The following ZNF417 variants were observed in gnomAD, a reference collection of about 807,000 sequenced individuals.
The protein encoded by ZNF417 is zinc finger protein 417.
ZNF417 carries 5 observed loss-of-function variants against 7.4 expected under a neutral mutation model. The ratio of observed to expected loss-of-function variants is 0.68; its 90% CI spans 0.35 to 1.43. The LOEUF (loss-of-function observed/expected upper bound fraction) is 1.43. Ranked by LOEUF, ZNF417 falls within the 40% of genes most tolerant of loss-of-function variation. The pLI, the probability that ZNF417 is intolerant of heterozygous loss-of-function variation, is 0.04. For missense variants in ZNF417, 437 were observed against 697.3 expected, an observed-to-expected ratio of 0.63 and a Z score of 4.20; for synonymous variants, 147 against 239.1, an observed-to-expected ratio of 0.61 and a Z score of 3.55.
At chr19:57,910,806 G>T (rs957842436) in intron 2 of ZNF417, among the ~76,000 whole-genome samples, 1 of 152,204 alleles carries the variant, frequency 6.6e-6, no homozygotes, top group Non-Finnish European at 1.5e-5. Context: ...CACTTTGCAA[G>T]GGTGAGGCAA....
At chr19:57,915,564 C>T (rs1407283277) in intron 1 of ZNF417, 9 of 414,720 alleles carry the variant, frequency 2.2e-5, no homozygotes, top group Admixed American at 1.7e-4. Flanking sequence ...AGAAATCAGA[C>T]CTTACTGACT....
chr19:57,912,129 G>T lies in ZNF417; in HGVS notation c.94C>A (p.Leu32Ile), dbSNP rs2071904156. The change falls in exon 2 of 3, where the codon CTT (leucine) becomes ATT (isoleucine). Residue 32 changes from leucine to isoleucine, a missense_variant. This residue lies in a region of ZNF417 where 57 missense variants were observed against 70.7 expected (regional missense o/e 0.81). Coordinates refer to ENST00000312026, the MANE Select transcript of ZNF417 (RefSeq NM_152475.3). ...TACAAGCACCTCTGAGCCTCACTAA[G>T]AAGACACCACTCCTCCTGGGAAAAG... is the stretch of plus-strand genomic sequence containing the variant. ...VNFSQEEWCL[L>I]SEAQRCLYRD... The T allele has an allele frequency of 3.7e-6, 6 of 1,612,946 alleles. No homozygotes were observed. The East Asian group carries it at 1.3e-4, about 36-fold the overall frequency.
In ZNF417 at chr19:57,914,442, C is replaced by T. The variant is rs183045732; in HGVS notation, c.33+1937G>A. ...CAGAGGTTCCAGTGAGCCAAGATTG[C>T]ACCACTGCACTCCAGCCTGGGCAAC... On this transcript the variant is annotated intron_variant, in intron 1 of 2. Transcript: ENST00000312026. 4.6e-3 allele frequency among the ~76,000 whole-genome samples: 594 copies of T among 128,472 alleles called. 2 individuals carry two copies. Among genetic ancestry groups the T allele is most frequent in the African/African-American group, 0.015 (488 of 32,654 alleles). 84.3% of individuals were successfully genotyped at this position (128,472 alleles called of 152,430 possible).
rs202027959 is a variant in ZNF417, at chr19:57,912,064, C to T, written c.159G>A (p.Ser53=). The T allele has an allele frequency of 4.5e-6, 7 of 1,572,760 alleles. No individual in the cohort carries two copies. The East Asian group carries it at 9.0e-5, about 20-fold the overall frequency. ...AGGTGAGCGTGAGCAACTTACCCAGCGAGGATATGAGAGCCAGGTTCTCTA... is the reference window on the plus strand; with the variant it reads ...AGGTGAGCGTGAGCAACTTACCCAGTGAGGATATGAGAGCCAGGTTCTCTA... ...VMLENLALIS[S]LGCWCGSKDE... is the part of the protein sequence containing the mutation. Residue 53 remains serine, a synonymous_variant, in exon 2 of 3, where the codon TCG becomes TCA. Coordinates refer to ENST00000312026, the MANE Select transcript of ZNF417 (RefSeq NM_152475.3).
chr19:57,915,764 G>T (rs933359123), intron 1 of ZNF417: 2 of 412,966 alleles, frequency 4.8e-6, no homozygotes, highest in Non-Finnish European at 8.5e-6. Flanking sequence ...TACAAGGTTA[G>T]AAATTACCGT....
At chr19:57,915,065 G>A (rs896313517) in intron 1 of ZNF417, among the ~76,000 whole-genome samples, 2 of 152,146 alleles carry the variant, frequency 1.3e-5, no homozygotes, top group African/African-American at 4.8e-5. Context: ...AACATGTCAC[G>A]GGATTTGATA....
chr19:57,913,366 G>A (rs1295938941), intron 1 of ZNF417, among the ~76,000 whole-genome samples: 1 of 152,150 alleles, frequency 6.6e-6, no homozygotes, highest in African/African-American at 2.4e-5. Context: ...AACCACATAT[G>A]GCTTCAGATA....
In ZNF417 at chr19:57,909,067, C is replaced by T. The variant is rs2071866833; in HGVS notation, c.1211G>A (p.Gly404Glu). 4 of 1,614,190 alleles carry T rather than the reference C, an allele frequency of 2.5e-6. No individual in the cohort carries two copies. The highest frequency in any genetic ancestry group is 3.4e-6 in the Non-Finnish European group (4 of 1,180,040). ...NLVQHQRGHT[G>E]ERPYECKECG... Reference sequence around the variant, plus strand: ...TTCCTTGCACTCATAGGGCCTTTCTCCAGTATGACCTCGCTGATGTTGAAC... The same window carrying T: ...TTCCTTGCACTCATAGGGCCTTTCTTCAGTATGACCTCGCTGATGTTGAAC... Residue 404 changes from glycine (G) to glutamate (E), a missense_variant, in exon 3 of 3, where the codon GGA (glycine) becomes GAA (glutamate). Physicochemically the swap from Gly to Glu is moderately conservative, Grantham distance 98. Around this residue, in one of 5 missense-constraint regions of ZNF417, gnomAD observed 233 missense variants for 235.5 expected, o/e 0.99. Coordinates refer to ENST00000312026, the MANE Select transcript of ZNF417 (RefSeq NM_152475.3).
chr19:57,908,937 C>G lies in ZNF417; in HGVS notation c.1341G>C (p.Arg447Ser). 1 of 1,612,482 alleles carries G rather than the reference C, an allele frequency of 6.2e-7. No individual in the cohort carries two copies. The highest frequency in any genetic ancestry group is 8.5e-7 in the Non-Finnish European group (1 of 1,178,650). Reference protein sequence around the residue: ...NCRECGKLFNRKYHLLVHERV... With the variant: ...NCRECGKLFNSKYHLLVHERV... ...TCTCATGAACGAGAAGATGATACTTCCTGTTAAATAATTTCCCACATTCCC... is the reference window on the plus strand; with the variant it reads ...TCTCATGAACGAGAAGATGATACTTGCTGTTAAATAATTTCCCACATTCCC... The change falls in exon 3 of 3, where the codon AGG becomes AGC. Residue 447 changes from arginine (R) to serine (S), a missense_variant. Around this residue, in one of 5 missense-constraint regions of ZNF417, gnomAD observed 233 missense variants for 235.5 expected, o/e 0.99. Coordinates refer to ENST00000312026, the MANE Select transcript of ZNF417 (RefSeq NM_152475.3).
chr19:57,908,916 A>T lies in ZNF417; in HGVS notation c.1362T>A (p.His454Gln). 6.2e-7 allele frequency: 1 copy of T among 1,614,000 alleles called. No homozygotes were observed. Among genetic ancestry groups the T allele is most frequent in the Non-Finnish European group, 8.5e-7 (1 of 1,179,904 alleles). ...GCCTTTCTCCAGTGTGAACTCTCTC[A>T]TGAACGAGAAGATGATACTTCCTGT... is the stretch of plus-strand genomic sequence containing the variant. ...LFNRKYHLLV[H>Q]ERVHTGERPY... The change falls in exon 3 of 3, where the codon CAT (histidine) becomes CAA (glutamine). Residue 454 changes from histidine (H) to glutamine (Q), a missense_variant. By Grantham distance (24) the His-to-Gln change is conservative (BLOSUM62 0). This residue lies in a region of ZNF417 where 233 missense variants were observed against 235.5 expected (regional missense o/e 0.99). Coordinates refer to ENST00000312026, the MANE Select transcript of ZNF417 (RefSeq NM_152475.3).
At chr19:57,914,622 C>T (rs560626532) in intron 1 of ZNF417, among the ~76,000 whole-genome samples, 12 of 152,172 alleles carry the variant, frequency 7.9e-5, no homozygotes, top group African/African-American at 2.6e-4. Flanking sequence ...TGGCAGGAGC[C>T]TTATCTCTGA....
At chr19:57,916,065 G>A (rs2071944501) in intron 1 of ZNF417, among the ~76,000 whole-genome samples, 1 of 152,232 alleles carries the variant, frequency 6.6e-6, no homozygotes, top group Non-Finnish European at 1.5e-5. Context: ...GAATGCTAAT[G>A]GAGACTGATT....
At position 57,908,194 on chromosome 19, in the gene ZNF417, T is replaced by C. The variant is rs117347446; in HGVS notation, c.*356A>G. The C allele has an allele frequency of 5.2e-3, 1,686 of 324,334 alleles. 7 individuals carry two copies. The highest frequency in any genetic ancestry group is 7.3e-3 in the Non-Finnish European group (1,257 of 172,556). The allele number at this position is 324,334 out of a possible 1,614,324, so 20.1% of individuals were successfully genotyped here. A position where few individuals can be genotyped will look rare whatever the true frequency, so the allele number is the denominator to read the frequency against. ...ATACGTATTGTCACTTGGGGACACT[T>C]ATGATTCCACATGAAGTGGATAACC... On this transcript the variant is annotated 3_prime_UTR_variant, in exon 3 of 3. Transcript: ENST00000312026.
At chr19:57,913,397 T>C (rs2071917027) in intron 1 of ZNF417, among the ~76,000 whole-genome samples, 1 of 152,200 alleles carries the variant, frequency 6.6e-6, no homozygotes, top group South Asian at 2.1e-4. Context: ...TATTTCACTT[T>C]TGTGCTGCAC....
chr19:57,916,233 GTT>G, intron 1 of ZNF417, 144 bp downstream of exon 1: 2 of 1,495,378 alleles, frequency 1.3e-6, no homozygotes, highest in Non-Finnish European at 1.8e-6. Flanking sequence ...CCACTGGACA[GTT>G]ACACAGGGAC....
chr19:57,912,228 G>T (rs769950143), intron 1 of ZNF417, 39 bp from the exon 2 acceptor site: 1 of 1,611,420 alleles, frequency 6.2e-7, no homozygotes, highest in African/African-American at 1.3e-5. Flanking sequence ...CAGCCCCTCT[G>T]CTGAGGTACC....
chr19:57,908,761 G>A lies in ZNF417; in HGVS notation c.1517C>T (p.Ala506Val), dbSNP rs753394469. ...ECGKSFLSSS[A>V]LHVHKRVHSG... ...ATGAACTCTTTTATGAACATGAAGC[G>A]CAGAGCTGGAAAGAAATGATTTCCC... The change falls in exon 3 of 3, where the codon GCG becomes GTG. Residue 506 changes from alanine to valine, a missense_variant. Physicochemically the swap from Ala to Val is moderately conservative, Grantham distance 64. Around this residue, in one of 5 missense-constraint regions of ZNF417, gnomAD observed 233 missense variants for 235.5 expected, o/e 0.99. Coordinates refer to ENST00000312026, the MANE Select transcript of ZNF417 (RefSeq NM_152475.3). 81 of 1,613,362 alleles carry A rather than the reference G, an allele frequency of 5.0e-5. No homozygotes were observed. Among genetic ancestry groups the A allele is most frequent in the East Asian group, 4.9e-4 (22 of 44,880 alleles).
chr19:57,910,231 C>T (rs2071888526), intron 2 of ZNF417, 117 bp from the exon 3 acceptor site: 1 of 1,477,968 alleles, frequency 6.8e-7, no homozygotes, highest in South Asian at 1.4e-5. Flanking sequence ...TGCAGGAACA[C>T]AATGTTGGCT....
rs1481368331 is a variant in ZNF417 at position 57,906,974 on chromosome 19, CT to C, written c.*1575del. 3.3e-5 allele frequency: 5 copies of C among 150,304 alleles called. No homozygotes were observed. Among genetic ancestry groups the C allele is most frequent in the Non-Finnish European group, 7.4e-5 (5 of 67,700 alleles). The allele number at this position is 150,304 out of a possible 1,614,324, so 9.3% of individuals were successfully genotyped here. On this transcript the variant is annotated 3_prime_UTR_variant, in exon 3 of 3. Coordinates refer to ENST00000312026, the MANE Select transcript of ZNF417 (RefSeq NM_152475.3). ...GTTTAACGAATTCTCCTGCCTCAGC[CT>C]CCCAAGCAGCTGGGACTACAGGCAC...
Sources: allele counts gnomAD v4.1 joint callset (sites outside exome capture counted in the v4.1 genomes callset), GRCh38; gene constraint gnomAD v4.1.1; regional missense constraint gnomAD v4.1.1; transcripts MANE v1.5; gene names NCBI Gene and HGNC (gene_info 2026-07-23, HGNC 2026-07-21).